Variants in CNTLN observed in about 807,000 individuals in gnomAD.
CNTLN encodes the protein centlein, centrosomal protein.
In CNTLN, 212 loss-of-function variants were observed where a neutral mutation model predicts 180.0. The observed-to-expected ratio is 1.18, with a 90% CI of 1.05 to 1.32. CNTLN has a LOEUF of 1.32. Among genes scored for constraint, CNTLN ranks in the 40% most tolerant of loss-of-function variants. The pLI, the probability that CNTLN is intolerant of heterozygous loss-of-function variation, is 0.00. For synonymous variants in CNTLN, 722 were observed against 563.1 expected (o/e 1.28, Z -3.99); for missense variants, 2,095 against 1,610.9 (o/e 1.30, Z -5.14).
At chr9:17,180,368 A>G (rs912552606) in intron 2 of CNTLN, among the ~76,000 whole-genome samples, 3 of 147,494 alleles carry the variant, frequency 2.0e-5, no homozygotes, top group Non-Finnish European at 4.5e-5. Flanking sequence ...ATTATATTAT[A>G]TTATATTATA....
At chr9:17,293,726 T>C (rs1817579363) in intron 6 of CNTLN, among the ~76,000 whole-genome samples, 2 of 151,962 alleles carry the variant, frequency 1.3e-5, no homozygotes, top group African/African-American at 2.4e-5. Flanking sequence ...AAAGGCAGGG[T>C]GGTGATGATG....
intron 18 of CNTLN, among the ~76,000 whole-genome samples, chr9:17,418,735 C>A (rs539069509): frequency 6.6e-6 from 1 of 151,996 alleles, no homozygotes; most frequent in East Asian, 1.9e-4. Context: ...AGGTTTTGAA[C>A]TTATAGGTCT....
chr9:17,217,130 C>T (rs1432638469), intron 2 of CNTLN, among the ~76,000 whole-genome samples: 1 of 152,138 alleles, frequency 6.6e-6, no homozygotes, highest in African/African-American at 2.4e-5. Context: ...ACCAAATAGT[C>T]TTTTAACTTT....
intron 23 of CNTLN, among the ~76,000 whole-genome samples, chr9:17,484,040 T>C (rs1398573379): frequency 6.6e-6 from 1 of 152,178 alleles, no homozygotes; most frequent in Non-Finnish European, 1.5e-5. Context: ...CCAAGCAAGA[T>C]ACCAGTTGGT....
intron 25 of CNTLN, among the ~76,000 whole-genome samples, chr9:17,492,594 T>C (rs1187973587): frequency 2.0e-5 from 3 of 152,008 alleles, no homozygotes; most frequent in Non-Finnish European, 4.4e-5. Flanking sequence ...AATTAATAAG[T>C]GTTAGGAGGC....
the CNTLN span, among the ~76,000 whole-genome samples, chr9:17,525,779 A>G: frequency 1.3e-5 from 2 of 152,212 alleles, no homozygotes; most frequent in African/African-American, 4.8e-5. Context: ...TCATTATGAA[A>G]AGATCTTTGA....
At chr9:17,324,919 T>C (rs1010868005) in intron 8 of CNTLN, among the ~76,000 whole-genome samples, 5 of 152,032 alleles carry the variant, frequency 3.3e-5, no homozygotes, top group African/African-American at 1.2e-4. Context: ...ATGTAGTCAA[T>C]AATTTAATTT....
At chr9:17,282,248 C>A (rs967104425) in intron 6 of CNTLN, among the ~76,000 whole-genome samples, 1 of 152,126 alleles carries the variant, frequency 6.6e-6, no homozygotes, top group Admixed American at 6.5e-5. Flanking sequence ...GAGTGAGACA[C>A]CGTGCCTGGC....
At chr9:17,501,023 A>G (rs996056152) in intron 25 of CNTLN, among the ~76,000 whole-genome samples, 1 of 152,162 alleles carries the variant, frequency 6.6e-6, no homozygotes, top group African/African-American at 2.4e-5. Flanking sequence ...GCTTATCTCT[A>G]AGATATGCTT....
intron 2 of CNTLN, among the ~76,000 whole-genome samples, chr9:17,177,882 C>CGG (rs1373350991): frequency 6.6e-6 from 1 of 152,100 alleles, no homozygotes; most frequent in Admixed American, 6.5e-5. Context: ...GCTCAGGCAG[C>CGG]GGTGCTTTTA....
chr9:17,218,554 G>A (rs993473915), intron 2 of CNTLN, among the ~76,000 whole-genome samples: 2 of 152,038 alleles, frequency 1.3e-5, no homozygotes, highest in Non-Finnish European at 2.9e-5. Context: ...CTGAACTTCT[G>A]TTATTAAGTC....
At chr9:17,413,598 C>T (rs1828014106) in intron 16 of CNTLN, among the ~76,000 whole-genome samples, 1 of 151,942 alleles carries the variant, frequency 6.6e-6, no homozygotes, top group South Asian at 2.1e-4. Flanking sequence ...ACAAAATAGG[C>T]AGAAGATATG....
chr9:17,142,639 G>A (rs769343910), intron 1 of CNTLN, among the ~76,000 whole-genome samples: 1 of 152,174 alleles, frequency 6.6e-6, no homozygotes, highest in Non-Finnish European at 1.5e-5. Context: ...ACCTAGGGCA[G>A]TGGTTCTCAA....
At chr9:17,202,427 AACTC>A (rs1407838143) in intron 2 of CNTLN, among the ~76,000 whole-genome samples, 1 of 151,812 alleles carries the variant, frequency 6.6e-6, no homozygotes. Context: ...TGGGGTGTTA[AACTC>A]ACTCACTATT....
At chr9:17,417,839 T>A (rs1387790254) in intron 18 of CNTLN, among the ~76,000 whole-genome samples, 3 of 152,004 alleles carry the variant, frequency 2.0e-5, no homozygotes, top group African/African-American at 7.2e-5. Flanking sequence ...GGTGCCATAC[T>A]TGGTAGTATC....
rs552675526 is a variant in CNTLN, at chr9:17,470,320, C to T, written c.3855+3429C>T. Among the ~76,000 whole-genome samples, 6 of 151,964 alleles carry T rather than the reference C, an allele frequency of 3.9e-5. No homozygotes were observed. In the South Asian group the frequency reaches 1.2e-3, roughly 32 times the overall value. ...TTAATGAGCGTAGTTAAGGAATGCA[C>T]ATGGTACCTACATGGAACATTATGA... is the stretch of plus-strand genomic sequence containing the variant. On this transcript the variant is annotated intron_variant, in intron 23 of 25. Transcript: ENST00000380647.
intron 13 of CNTLN, 116 bp downstream of exon 13, chr9:17,366,833 T>A (rs967375430): frequency 6.6e-6 from 4 of 607,782 alleles, no homozygotes; most frequent in Non-Finnish European, 1.2e-5. Context: ...TTCCAACACT[T>A]TATTCATTGA....
chr9:17,143,317 G>C lies in CNTLN; in HGVS notation c.390G>C (p.Trp130Cys). The change falls in exon 2 of 26, where the codon TGG becomes TGC. Residue 130 changes from tryptophan to cysteine, a missense_variant. Trp to Cys is a radical substitution (Grantham distance 215). Transcript: ENST00000380647. ...ATAAAGAATTTGTATGGTCTTTGTG[G>C]AAACGTCTCCAGGTTACAAACCCAG... ...QADKEFVWSL[W>C]KRLQVTNPDL... is the part of the protein sequence containing the mutation. 6.2e-7 allele frequency: 1 copy of C among 1,613,422 alleles called. No homozygotes were observed. Among genetic ancestry groups the C allele is most frequent in the Non-Finnish European group, 8.5e-7 (1 of 1,179,666 alleles).
intron 6 of CNTLN, among the ~76,000 whole-genome samples, chr9:17,275,251 A>G (rs1342446967): frequency 6.6e-6 from 1 of 151,958 alleles, no homozygotes; most frequent in Non-Finnish European, 1.5e-5. Flanking sequence ...TATTGTTTAA[A>G]TTTTTGAACA....
Sources: allele counts gnomAD v4.1 joint callset (sites outside exome capture counted in the v4.1 genomes callset), GRCh38; gene constraint gnomAD v4.1.1; transcripts MANE v1.5; gene names NCBI Gene and HGNC (gene_info 2026-07-23, HGNC 2026-07-21).